Variants in AGR2 observed in about 807,000 individuals in gnomAD.
The protein encoded by AGR2 is anterior gradient protein 2 homolog.
AGR2 carries 27 observed loss-of-function variants against 25.9 expected under a neutral mutation model. The ratio of observed to expected loss-of-function variants is 1.04; its 90% CI spans 0.77 to 1.44. AGR2 has a LOEUF of 1.44. Ranked by LOEUF, AGR2 falls within the 40% of genes most tolerant of loss-of-function variation. The pLI, the probability that AGR2 is intolerant of heterozygous loss-of-function variation, is 0.00. For synonymous variants in AGR2, 78 were observed against 72.0 expected (o/e 1.08, Z -0.42); for missense variants, 182 against 200.9 (o/e 0.91, Z 0.57).
intron 7 of AGR2, among the ~76,000 whole-genome samples, chr7:16,793,946 T>C (rs904351153): frequency 1.3e-5 from 2 of 152,266 alleles, no homozygotes; most frequent in African/African-American, 4.8e-5. Flanking sequence ...TGATATTACT[T>C]GTGTAGGACA....
chr7:16,794,865 T>C (rs751566732), intron 7 of AGR2, 71 bp downstream of exon 7: 6 of 1,606,976 alleles, frequency 3.7e-6, no homozygotes, highest in Non-Finnish European at 8.5e-7. Flanking sequence ...CCATGCAGCC[T>C]CTAGTCCCAT....
chr7:16,803,407 T>C (rs1785182192), intron 1 of AGR2, among the ~76,000 whole-genome samples: 1 of 152,218 alleles, frequency 6.6e-6, no homozygotes. Context: ...TATTGGTGAA[T>C]GGTTTTGAAT....
Position 16,792,375 on chromosome 7 carries a change from C to CTCTAAGGTACTACCT in AGR2, c.*532_*533insAGGTAGTACCTTAGA, listed in dbSNP as rs1784978631. 1 of 152,886 alleles carries CTCTAAGGTACTACCT rather than the reference C, an allele frequency of 6.5e-6. No individual in the cohort carries two copies. Among genetic ancestry groups the CTCTAAGGTACTACCT allele is most frequent in the African/African-American group, 2.4e-5 (1 of 41,434 alleles). 9.5% of individuals were successfully genotyped at this position (152,886 alleles called of 1,614,324 possible). A position where few individuals can be genotyped will look rare whatever the true frequency, so the allele number is the denominator to read the frequency against. On this transcript the variant is annotated 3_prime_UTR_variant, in exon 8 of 8. Coordinates refer to ENST00000419304, the MANE Select transcript of AGR2 (RefSeq NM_006408.4). ...AAGTGTGTACCTTAGAGTTCCTGGC[C>CTCTAAGGTACTACCT]AGAGTTGACTCTAGGTAGTGATGTG... is the stretch of plus-strand genomic sequence containing the variant.
intron 2 of AGR2, 66 bp from the exon 3 acceptor site, chr7:16,801,449 A>AAATGGT (rs1249264407): frequency 6.8e-7 from 1 of 1,475,320 alleles, no homozygotes; most frequent in Non-Finnish European, 9.4e-7. Context: ...GTTGAAAAGC[A>AAATGGT]ATGGTAAAGA....
intron 6 of AGR2, among the ~76,000 whole-genome samples, chr7:16,796,212 A>G (rs556150537): frequency 7.7e-4 from 117 of 152,316 alleles, no homozygotes; most frequent in Non-Finnish European, 1.3e-3. Context: ...CTAGAAGAGC[A>G]AGCTGCCTTG....
intron 7 of AGR2, 132 bp from the exon 8 acceptor site, chr7:16,793,089 C>G: frequency 1.2e-6 from 1 of 804,732 alleles, no homozygotes; most frequent in Non-Finnish European, 2.0e-6. Context: ...CTCACTCCCA[C>G]TCAGGCTGGC....
At chr7:16,794,737 T>C (rs2272247) in intron 7 of AGR2, 199 bp downstream of exon 7, 121,544 of 1,355,388 alleles carry the variant, frequency 0.09, 6,097 homozygotes, top group African/African-American at 0.18. Context: ...TCATCTTCAA[T>C]TGAGATTAAA....
intron 1 of AGR2, chr7:16,803,286 T>C (rs771060266): frequency 3.3e-5 from 5 of 152,148 alleles, no homozygotes; most frequent in Non-Finnish European, 7.3e-5. Flanking sequence ...AGCAAGTCAC[T>C]AAGGTTGTCC....
intron 5 of AGR2, among the ~76,000 whole-genome samples, chr7:16,798,905 T>A (rs1052074639): frequency 1.3e-5 from 2 of 152,226 alleles, no homozygotes; most frequent in African/African-American, 4.8e-5. Flanking sequence ...TTTAAGCTGA[T>A]TATGAGATAT....
intron 5 of AGR2, among the ~76,000 whole-genome samples, chr7:16,798,854 G>A (rs888532996): frequency 5.3e-5 from 8 of 152,280 alleles, no homozygotes; most frequent in Admixed American, 2.0e-4. Context: ...TTGGAAAAGC[G>A]CAAACCAAGA....
At chr7:16,793,058 C>T in intron 7 of AGR2, 101 bp from the exon 8 acceptor site, 2 of 1,002,848 alleles carry the variant, frequency 2.0e-6, no homozygotes, top group Middle Eastern at 2.2e-4. Flanking sequence ...TAATGGGATG[C>T]TTTTTTTTTT....
chr7:16,794,926 T>G lies in AGR2; in HGVS notation c.478+10A>C, dbSNP rs1331968271. The G allele has an allele frequency of 6.2e-7, 1 of 1,614,130 alleles. No homozygotes were observed. ...TCTTGGGCAACATCCGAATTGAAGG[T>G]CACACTTACACAGAGCTGTATCTGC... On this transcript the variant is annotated intron_variant, in intron 7 of 7. Coordinates refer to ENST00000419304, the MANE Select transcript of AGR2 (RefSeq NM_006408.4).
rs1316994054 is a variant in AGR2 at position 16,792,931 on chromosome 7, T to G, written c.505A>C (p.Lys169Gln). 6.2e-7 allele frequency: 1 copy of G among 1,614,150 alleles called. No homozygotes were observed. The highest frequency in any genetic ancestry group is 1.3e-5 in the African/African-American group (1 of 75,038). Residue 169 changes from lysine to glutamine, a missense_variant, in exon 8 of 8, where the codon AAG (lysine) becomes CAG (glutamine). Coordinates refer to ENST00000419304, the MANE Select transcript of AGR2 (RefSeq NM_006408.4). ...LLLDNMKKAL[K>Q]LLKTEL ...CTTTACAATTCAGTCTTCAGCAACT[T>G]GAGAGCTTTCTTCATGTTGTCAAGC...
chr7:16,797,786 G>C, intron 5 of AGR2, 92 bp from the exon 6 acceptor site: 1 of 972,992 alleles, frequency 1.0e-6, no homozygotes, highest in Non-Finnish European at 1.6e-6. Flanking sequence ...TTTCCGGCCA[G>C]GCATCTCAAG....
At chr7:16,802,873 C>T (rs1206122773) in intron 1 of AGR2, among the ~76,000 whole-genome samples, 5 of 152,120 alleles carry the variant, frequency 3.3e-5, no homozygotes, top group Non-Finnish European at 7.3e-5. Flanking sequence ...CACTGTGTTG[C>T]CCAGGCTGGA....
chr7:16,795,755 C>T lies in AGR2; in HGVS notation c.395-736G>A, dbSNP rs563950701. ...GAAACCTTGCCTTGAGAGACGTAAT[C>T]GAAAGAACCTAGGACACGTGCCCTG... is the stretch of plus-strand genomic sequence containing the variant. On this transcript the variant is annotated intron_variant, in intron 6 of 7. Transcript: ENST00000419304. Among the ~76,000 whole-genome samples, 7 of 152,192 alleles carry T rather than the reference C, an allele frequency of 4.6e-5. No individual in the cohort carries two copies. The South Asian group carries it at 6.2e-4, about 14-fold the overall frequency.
chr7:16,799,531 C>A (rs1785106462), intron 5 of AGR2: 1 of 481,622 alleles, frequency 2.1e-6, no homozygotes, highest in Non-Finnish European at 3.6e-6. Flanking sequence ...ATTTTTCAGA[C>A]AAACTAAGAT....
intron 5 of AGR2, chr7:16,799,517 G>A (rs1785105892): frequency 2.1e-6 from 1 of 469,274 alleles, no homozygotes; most frequent in African/African-American, 2.0e-5. Flanking sequence ...GACTACGGGA[G>A]ATAATTTTTC....
intron 5 of AGR2, among the ~76,000 whole-genome samples, chr7:16,798,315 A>C (rs1254391860): frequency 6.6e-6 from 1 of 152,184 alleles, no homozygotes; most frequent in Non-Finnish European, 1.5e-5. Context: ...AACAGGAGTC[A>C]GTTAGGTGGA....
Sources: gnomAD v4.1 joint callset for allele counts (sites outside exome capture counted in the v4.1 genomes callset) on GRCh38, gnomAD v4.1.1 for gene constraint, MANE v1.5 for transcripts, NCBI Gene and HGNC (gene_info 2026-07-23, HGNC 2026-07-21) for gene names.